The following IL36B variants were observed in gnomAD, a reference collection of about 807,000 sequenced individuals.
The protein encoded by IL36B is interleukin 36 beta.
In IL36B, 23 loss-of-function variants were observed where a neutral mutation model predicts 19.3. That is an observed-to-expected ratio of 1.19 (90% CI 0.86 to 1.69). The LOEUF is 1.69. Ranked by LOEUF, IL36B falls within the 40% of genes most tolerant of loss-of-function variation. The probability of loss-of-function intolerance (pLI) is 0.00; values close to 1 mark genes in which losing one functional copy is unlikely to be tolerated. For synonymous variants in IL36B, 59 were observed against 59.7 expected (o/e 0.99, Z 0.05); for missense variants, 217 against 200.5 (o/e 1.08, Z -0.50).
At chr2:113,039,316 G>A (rs1371332222) in intron 1 of IL36B, among the ~76,000 whole-genome samples, 1 of 152,082 alleles carries the variant, frequency 6.6e-6, no homozygotes, top group Admixed American at 6.6e-5. Context: ...ACCCAAAGAG[G>A]GAAAAACCAA....
rs555679136 is a variant in IL36B at position 113,051,057 on chromosome 2, C to T, written c.-58+1760G>A. On this transcript the variant is annotated intron_variant, in intron 1 of 5. Transcript: ENST00000259213. Reference sequence around the variant, plus strand: ...CAGCGTGGCCTCCCGATCCTTGAATCGGAGGCCGTGCCTCTCATCGTGGCC... The same window carrying T: ...CAGCGTGGCCTCCCGATCCTTGAATTGGAGGCCGTGCCTCTCATCGTGGCC... 5.5e-4 allele frequency among the ~76,000 whole-genome samples: 83 copies of T among 152,134 alleles called. 1 individual carries two copies. Among genetic ancestry groups the T allele is most frequent in the Admixed American group, 5.2e-3 (79 of 15,284 alleles).
chr2:113,043,534 C>T (rs894912765), intron 1 of IL36B, among the ~76,000 whole-genome samples: 1 of 152,072 alleles, frequency 6.6e-6, no homozygotes, highest in African/African-American at 2.4e-5. Context: ...ATTTGTTGAA[C>T]ATGGTATTTT....
rs188342647 is a variant in IL36B, at chr2:113,046,345, G to T, written c.-58+6472C>A. 1.6e-3 allele frequency among the ~76,000 whole-genome samples: 244 copies of T among 151,908 alleles called. 1 individual carries two copies. Among genetic ancestry groups the T allele is most frequent in the African/African-American group, 5.6e-3 (233 of 41,428 alleles). On this transcript the variant is annotated intron_variant, in intron 1 of 5. Transcript: ENST00000259213. ...CTGCTTCAACCTCCTGAGTAGCTGG[G>T]ACTACAGACTCCCGCCACCACGCTC... is the stretch of plus-strand genomic sequence containing the variant.
intron 1 of IL36B, among the ~76,000 whole-genome samples, chr2:113,041,626 G>A (rs1685259176): frequency 6.6e-6 from 1 of 152,160 alleles, no homozygotes; most frequent in East Asian, 1.9e-4. Context: ...TTACTTATTA[G>A]GCTCATCAAA....
At chr2:113,044,696 G>A (rs1437625805) in intron 1 of IL36B, among the ~76,000 whole-genome samples, 3 of 151,942 alleles carry the variant, frequency 2.0e-5, no homozygotes, top group Non-Finnish European at 4.4e-5. Flanking sequence ...GAGTGTTTAG[G>A]CTATTTATAT....
intron 1 of IL36B, among the ~76,000 whole-genome samples, chr2:113,047,588 C>T (rs1573378395): frequency 6.6e-6 from 1 of 152,192 alleles, no homozygotes; most frequent in Non-Finnish European, 1.5e-5. Flanking sequence ...TTTTCCATTA[C>T]TTAAGCAAGA....
At chr2:113,030,678 C>T (rs1015416832) in intron 3 of IL36B, among the ~76,000 whole-genome samples, 1 of 152,156 alleles carries the variant, frequency 6.6e-6, no homozygotes, top group Non-Finnish European at 1.5e-5. Context: ...ACTTAGAAAG[C>T]TGTGTAGGTT....
chr2:113,036,598 G>A (rs949925286), intron 1 of IL36B, among the ~76,000 whole-genome samples: 4 of 152,142 alleles, frequency 2.6e-5, no homozygotes, highest in Non-Finnish European at 5.9e-5. Flanking sequence ...TCAGTAATGA[G>A]CAGGAATTTC....
chr2:113,032,976 G>A (rs2197578), intron 1 of IL36B, among the ~76,000 whole-genome samples: 112,402 of 152,098 alleles, frequency 0.74, 41,902 homozygotes, highest in East Asian at 0.94. Flanking sequence ...GTTGAGGAGA[G>A]TGCCTTTACT....
Position 113,026,203 on chromosome 2 carries a change from C to T in IL36B, c.291G>A (p.Lys97=), listed in dbSNP as rs1474254799. 2 of 1,613,822 alleles carry T rather than the reference C, an allele frequency of 1.2e-6. No individual in the cohort carries two copies. The highest frequency in any genetic ancestry group is 2.2e-5 in the East Asian group (1 of 44,876). ...TTCCAACTAGTTTCCAGCAAGTGTC[C>T]TTCCCTATGTTATCTTGGGAGCCCT... Residue 97 remains lysine, a synonymous_variant, in exon 5 of 6, where the codon AAG becomes AAA. Transcript: ENST00000259213.
rs187881779 is a variant in IL36B at position 113,035,577 on chromosome 2, T to C, written c.-57-3811A>G. The stretch of plus-strand genomic sequence containing the variant: ...TGTTGTTAGAGGACCTGATATCCAG[T>C]GAGAAAAAAAGCAAGTGAATATAGC... On this transcript the variant is annotated intron_variant, in intron 1 of 5. Coordinates refer to ENST00000259213, the MANE Select transcript of IL36B (RefSeq NM_014438.5). Among the ~76,000 whole-genome samples, 364 of 150,506 alleles carry C rather than the reference T, an allele frequency of 2.4e-3. 1 individual carries two copies. Among genetic ancestry groups the C allele is most frequent in the Non-Finnish European group, 4.1e-3 (280 of 67,718 alleles).
At chr2:113,037,774 G>A (rs1685188304) in intron 1 of IL36B, among the ~76,000 whole-genome samples, 1 of 151,698 alleles carries the variant, frequency 6.6e-6, no homozygotes, top group Admixed American at 6.6e-5. Context: ...CTGTCATTTT[G>A]TACACATGTA....
At chr2:113,048,127 T>C (rs1175171246) in intron 1 of IL36B, among the ~76,000 whole-genome samples, 3 of 152,206 alleles carry the variant, frequency 2.0e-5, no homozygotes, top group Non-Finnish European at 4.4e-5. Flanking sequence ...TCTTGAAATA[T>C]AAAACTGTAG....
At chr2:113,048,247 A>G (rs1347174937) in intron 1 of IL36B, among the ~76,000 whole-genome samples, 1 of 152,204 alleles carries the variant, frequency 6.6e-6, no homozygotes, top group East Asian at 1.9e-4. Context: ...CCCTGTCTCT[A>G]CTAAAATACA....
chr2:113,027,614 T>G lies in IL36B; in HGVS notation c.261+1325A>C. ...GAATGGAAGGTTGCATGAAGCAGCA[T>G]TTGGGGGGTTGACTAAACTGGGCAT... On this transcript the variant is annotated intron_variant, in intron 4 of 5. Coordinates refer to ENST00000259213, the MANE Select transcript of IL36B (RefSeq NM_014438.5). The G allele has an allele frequency of 2.7e-5, 33 of 1,221,336 alleles. No homozygotes were observed. The East Asian group carries it at 3.4e-4, about 13-fold the overall frequency. 75.7% of individuals were successfully genotyped at this position (1,221,336 alleles called of 1,614,324 possible).
chr2:113,026,393 A>G (rs910674521), intron 4 of IL36B, among the ~76,000 whole-genome samples: 3 of 152,190 alleles, frequency 2.0e-5, no homozygotes, highest in African/African-American at 7.2e-5. Context: ...CTGAAGCAAT[A>G]AGAGATAATG....
intron 4 of IL36B, chr2:113,027,728 G>C (rs1684990195): frequency 7.0e-7 from 1 of 1,436,224 alleles, no homozygotes. Context: ...TCGAGTGAGG[G>C]TCTTGGTACA....
chr2:113,038,312 G>T (rs183448242), intron 1 of IL36B, among the ~76,000 whole-genome samples: 406 of 152,294 alleles, frequency 2.7e-3, no homozygotes, highest in Non-Finnish European at 3.8e-3. Flanking sequence ...TGCTGACTGG[G>T]CTCAGACATC....
intron 1 of IL36B, among the ~76,000 whole-genome samples, chr2:113,041,939 G>A (rs1172550084): frequency 6.6e-6 from 1 of 152,184 alleles, no homozygotes; most frequent in Non-Finnish European, 1.5e-5. Flanking sequence ...CGAGGTCTCA[G>A]TGCCTGGAAA....
Sources: gnomAD v4.1 joint callset for allele counts (sites outside exome capture counted in the v4.1 genomes callset) on GRCh38, gnomAD v4.1.1 for gene constraint, MANE v1.5 for transcripts, NCBI Gene and HGNC (gene_info 2026-07-23, HGNC 2026-07-21) for gene names.